The following ANKFN1 variants were observed in gnomAD, a reference collection of about 807,000 sequenced individuals.
The protein encoded by ANKFN1 is ankyrin repeat and fibronectin type III domain containing 1.
Under a neutral mutation model 108.7 loss-of-function variants are expected in ANKFN1, and 74 were observed. The ratio of observed to expected loss-of-function variants is 0.68; its 90% confidence interval spans 0.56 to 0.83. The LOEUF is 0.83. ANKFN1 is among the 40% of genes least tolerant of loss of function. The probability of loss-of-function intolerance (pLI) is 0.00; values close to 1 mark genes in which losing one functional copy is unlikely to be tolerated. For synonymous variants in ANKFN1, 547 were observed against 516.2 expected, an observed-to-expected ratio of 1.06 and a Z score of -0.81; for missense variants, 1,505 against 1,382.3, an observed-to-expected ratio of 1.09 and a Z score of -1.41.
intron 1 of ANKFN1, among the ~76,000 whole-genome samples, chr17:56,194,592 G>A (rs1913324241): frequency 6.6e-6 from 1 of 152,200 alleles, no homozygotes; most frequent in Non-Finnish European, 1.5e-5. Context: ...GTGGTTAGCA[G>A]GGTGGGAAGG....
chr17:56,182,343 G>T (rs532272535), intron 1 of ANKFN1, among the ~76,000 whole-genome samples: 1 of 152,176 alleles, frequency 6.6e-6, no homozygotes, highest in East Asian at 1.9e-4. Context: ...GAAAATTCTT[G>T]AAGGAAATTA....
intron 4 of ANKFN1, among the ~76,000 whole-genome samples, chr17:56,348,614 C>T (rs1396588271): frequency 6.6e-6 from 1 of 152,090 alleles, no homozygotes; most frequent in Admixed American, 6.6e-5. Flanking sequence ...AGACACTTCT[C>T]AAAAGATATA....
intron 6 of ANKFN1, among the ~76,000 whole-genome samples, chr17:56,369,940 C>T (rs140491094): frequency 2.1e-3 from 323 of 152,170 alleles, no homozygotes; most frequent in African/African-American, 7.3e-3. Context: ...TTTTCAAAAT[C>T]TTCAATTTTT....
rs146341000 is a variant in ANKFN1, at chr17:56,355,928, T to C, written c.601+1882T>C. Among the ~76,000 whole-genome samples, 243 of 152,268 alleles carry C rather than the reference T, an allele frequency of 1.6e-3. 1 individual carries two copies. Among genetic ancestry groups the C allele is most frequent in the African/African-American group, 5.6e-3 (231 of 41,548 alleles). On this transcript the variant is annotated intron_variant, in intron 6 of 20. Coordinates refer to ENST00000682825, the MANE Select transcript of ANKFN1 (RefSeq NM_001370326.1). ...GCCCTGAAAAGAAACATCATACCAT[T>C]GACTATTATCACTCCCCAATCTCCC...
chr17:56,061,625 A>G (rs1904978078), intron 4 of ANKFN1, among the ~76,000 whole-genome samples: 1 of 151,836 alleles, frequency 6.6e-6, no homozygotes, highest in Non-Finnish European at 1.5e-5. Flanking sequence ...ATCATTTTTT[A>G]TTGTGTGTAT....
chr17:56,311,220 T>C, intron 3 of ANKFN1, among the ~76,000 whole-genome samples: 1 of 152,184 alleles, frequency 6.6e-6, no homozygotes, highest in East Asian at 1.9e-4. Context: ...TCACTGTTCA[T>C]GTGAAGGTGA....
intron 1 of ANKFN1, among the ~76,000 whole-genome samples, chr17:56,198,886 G>A (rs1170864948): frequency 1.3e-5 from 2 of 152,166 alleles, no homozygotes; most frequent in Admixed American, 6.5e-5. Flanking sequence ...ATGTTTTAAT[G>A]TCAGGTAGGG....
chr17:56,055,566 C>CATATATGTAT (rs1555588769), intron 4 of ANKFN1, among the ~76,000 whole-genome samples: 1 of 47,442 alleles, frequency 2.1e-5, no homozygotes, highest in Non-Finnish European at 3.5e-5. Context: ...GGTATATATA[C>CATATATGTAT]ATATATATAT....
chr17:56,488,719 A>G (rs1807125390), intron 18 of ANKFN1, among the ~76,000 whole-genome samples: 1 of 152,248 alleles, frequency 6.6e-6, no homozygotes, highest in South Asian at 2.1e-4. Flanking sequence ...GACTCATTGA[A>G]CTAAATGGAC....
rs1216445263 is a variant in ANKFN1 at position 56,516,281 on chromosome 17, T to TGC, written c.*5014_*5015dup. 8.7e-4 allele frequency among the ~76,000 whole-genome samples: 131 copies of TGC among 151,144 alleles called. 1 individual carries two copies. The highest frequency in any genetic ancestry group is 2.9e-3 in the African/African-American group (121 of 41,158). On this transcript the variant is annotated 3_prime_UTR_variant, in exon 21 of 21. Coordinates refer to ENST00000682825, the MANE Select transcript of ANKFN1 (RefSeq NM_001370326.1). ...AAGTGTGTGTGTGTGTGTGTGTGTGTGCGTGTGTGGTGGTGTCAGAGAGAT... is the reference window on the plus strand; with the variant it reads ...AAGTGTGTGTGTGTGTGTGTGTGTGTGCGCGTGTGTGGTGGTGTCAGAGAGAT...
chr17:56,418,002 G>A (rs566263151), intron 8 of ANKFN1, among the ~76,000 whole-genome samples: 9 of 152,148 alleles, frequency 5.9e-5, no homozygotes, highest in Non-Finnish European at 1.2e-4. Flanking sequence ...CAGGGGCAGG[G>A]AATCTAATTT....
At chr17:56,170,612 A>C (rs565975417) in intron 1 of ANKFN1, among the ~76,000 whole-genome samples, 2 of 150,848 alleles carry the variant, frequency 1.3e-5, no homozygotes, top group South Asian at 4.2e-4. Flanking sequence ...AAAATACAAA[A>C]ATTAGCCATG....
chr17:56,395,858 A>C (rs1279473139), intron 8 of ANKFN1, among the ~76,000 whole-genome samples: 3 of 151,984 alleles, frequency 2.0e-5, no homozygotes, highest in Admixed American at 2.0e-4. Context: ...AAAAAAGAAA[A>C]ACAAAGGTGG....
At chr17:56,487,864 C>T (rs1410633543) in intron 18 of ANKFN1, among the ~76,000 whole-genome samples, 1 of 152,150 alleles carries the variant, frequency 6.6e-6, no homozygotes, top group African/African-American at 2.4e-5. Context: ...AAAAGGAAAA[C>T]ATTTTAAGCA....
chr17:56,081,874 T>C (rs1043642739), intron 4 of ANKFN1, among the ~76,000 whole-genome samples: 3 of 152,224 alleles, frequency 2.0e-5, no homozygotes, highest in Non-Finnish European at 2.9e-5. Context: ...GAAGGTCATA[T>C]ACCAGTTAAA....
At position 56,318,700 on chromosome 17, in the gene ANKFN1, C is replaced by A. The variant is rs376066241; in HGVS notation, c.54-7521C>A. ...ATAGTCTGTCTTCAGGGCCACCTTC[C>A]TTATTCCACCAGCCAATCTGTATTC... On this transcript the variant is annotated intron_variant, in intron 3 of 20. Transcript: ENST00000682825. 1.8e-3 allele frequency among the ~76,000 whole-genome samples: 271 copies of A among 152,274 alleles called. 1 individual carries two copies. The highest frequency in any genetic ancestry group is 6.3e-3 in the African/African-American group (260 of 41,560).
Position 56,511,182 on chromosome 17 carries a change from C to T in ANKFN1, c.3354C>T (p.Ile1118=), listed in dbSNP as rs752549383. 1 of 1,536,062 alleles carries T rather than the reference C, an allele frequency of 6.5e-7. No homozygotes were observed. The highest frequency in any genetic ancestry group is 1.4e-5 in the African/African-American group (1 of 73,190). ...TGAGCCCGCCCTCTGGAGGCCGCAT[C>T]ACCCTGCCCAGCCCCACTGGCCCCG... is the stretch of plus-strand genomic sequence containing the variant. ...ASLSPPSGGR[I]TLPSPTGPDV... is the part of the protein sequence containing the mutation. Residue 1118 remains isoleucine (I), a synonymous_variant, in exon 21 of 21, where the codon ATC becomes ATT. Coordinates refer to ENST00000682825, the MANE Select transcript of ANKFN1 (RefSeq NM_001370326.1).
chr17:56,344,127 T>C (rs2046034026), intron 4 of ANKFN1, among the ~76,000 whole-genome samples: 1 of 151,998 alleles, frequency 6.6e-6, no homozygotes, highest in African/African-American at 2.4e-5. Context: ...TAGTTTCTGT[T>C]TCTGTACATG....
chr17:56,511,082 C>G lies in ANKFN1; in HGVS notation c.3254C>G (p.Pro1085Arg). 6.5e-7 allele frequency: 1 copy of G among 1,536,004 alleles called. No homozygotes were observed. The change falls in exon 21 of 21, where the codon CCT becomes CGT. Residue 1085 changes from proline to arginine, a missense_variant. Coordinates refer to ENST00000682825, the MANE Select transcript of ANKFN1 (RefSeq NM_001370326.1). Reference sequence around the variant, plus strand: ...AACAGCAGTCTCCAGGACGCGAGGCCTTCCGTCCGCCGCCTCTACGTGGAG... The same window carrying G: ...AACAGCAGTCTCCAGGACGCGAGGCGTTCCGTCCGCCGCCTCTACGTGGAG... ...ERNSSLQDARPSVRRLYVEPY... is the reference protein window; with the variant it reads ...ERNSSLQDARRSVRRLYVEPY...
Sources: allele counts gnomAD v4.1 joint callset (sites outside exome capture counted in the v4.1 genomes callset), GRCh38; gene constraint gnomAD v4.1.1; transcripts MANE v1.5; gene names NCBI Gene and HGNC (gene_info 2026-07-23, HGNC 2026-07-21).